PCNT: variants seen among roughly 807,000 people sequenced by gnomAD.
The protein encoded by PCNT is pericentrin, also known as kendrin.
PCNT carries 319 observed loss-of-function variants against 380.4 expected under a neutral mutation model. The ratio of observed to expected loss-of-function variants is 0.84; its 90% confidence interval spans 0.77 to 0.92. The LOEUF is 0.92. PCNT is among the 40% of genes least tolerant of loss of function. PCNT has a pLI of 0.00. For missense variants in PCNT, 4,400 were observed against 4,255.3 expected (o/e 1.03, Z -0.95); for synonymous variants, 1,845 against 1,735.2 (o/e 1.06, Z -1.57).
intron 27 of PCNT, among the ~76,000 whole-genome samples, chr21:46,410,639 A>G (rs1424274375): frequency 1.3e-5 from 2 of 152,114 alleles, no homozygotes; most frequent in African/African-American, 4.8e-5. Flanking sequence ...ATGGCTGAGG[A>G]TTATGTTTCA....
rs749423378 is a variant in PCNT, at chr21:46,411,411, G to A, written c.5338G>A (p.Ala1780Thr). ...SLQSELLCSQ[A>T]GGPRGQALQG... The stretch of plus-strand genomic sequence containing the variant: ...GCAGAGCGAGCTGCTCTGCTCCCAG[G>A]CCGGGGGCCCTCGTGGGCAGGCCCT... Residue 1780 changes from alanine (A) to threonine (T), a missense_variant, in exon 28 of 47, where the codon GCC (alanine) becomes ACC (threonine). Ala to Thr is a moderately conservative substitution (Grantham distance 58, BLOSUM62 0). Coordinates refer to ENST00000359568, the MANE Select transcript of PCNT (RefSeq NM_006031.6). The A allele has an allele frequency of 2.5e-6, 4 of 1,613,398 alleles. No individual in the cohort carries two copies. In the East Asian group the frequency reaches 6.7e-5, roughly 27 times the overall value.
At chr21:46,401,464 AAAGATGGTCTGTGCTTT>A (rs2086424930) in intron 25 of PCNT, 70 bp from the exon 26 acceptor site, 5 of 1,079,868 alleles carry the variant, frequency 4.6e-6, no homozygotes, top group African/African-American at 1.6e-5. Context: ...AGGTGCAGCT[AAAGATGGTCTGTGCTTT>A]AACAGGCAGC....
chr21:46,367,245 G>A (rs2084960767), intron 15 of PCNT, 106 bp downstream of exon 15: 5 of 939,948 alleles, frequency 5.3e-6, no homozygotes, highest in African/African-American at 1.6e-5. Flanking sequence ...GTGCCTGTGC[G>A]GGTGTCTGTG....
intron 6 of PCNT, among the ~76,000 whole-genome samples, chr21:46,348,569 T>G (rs1037267048): frequency 6.6e-6 from 1 of 152,170 alleles, no homozygotes; most frequent in East Asian, 1.9e-4. Flanking sequence ...GGGGAGAGAC[T>G]GGGTGTAAGG....
chr21:46,430,499 C>T lies in PCNT; in HGVS notation c.7914-8C>T, dbSNP rs773877998. ...GTGGTCAGATTGTTCTGCGATGTCTCCACGCAGATCCATGCTGAGCAGTAA... is the reference window on the plus strand; with the variant it reads ...GTGGTCAGATTGTTCTGCGATGTCTTCACGCAGATCCATGCTGAGCAGTAA... On this transcript the variant is annotated splice_polypyrimidine_tract_variant and splice_region_variant and intron_variant, in intron 36 of 46. Transcript: ENST00000359568. 26 of 1,550,382 alleles carry T rather than the reference C, an allele frequency of 1.7e-5. 1 individual carries two copies. The South Asian group carries it at 3.0e-4, about 18-fold the overall frequency.
chr21:46,422,168 C>G (rs2087281256), intron 32 of PCNT, 44 bp downstream of exon 32: 6 of 1,607,380 alleles, frequency 3.7e-6, no homozygotes, highest in Non-Finnish European at 5.1e-6. Context: ...CATGTGCAGC[C>G]TCGGGGCATC....
chr21:46,360,057 A>G (rs4819240), intron 13 of PCNT, among the ~76,000 whole-genome samples: 46,728 of 150,950 alleles, frequency 0.31, 8,942 homozygotes, highest in African/African-American at 0.55. Context: ...AGGTTTCGCC[A>G]TGTTGTCCAG....
At chr21:46,397,734 G>A (rs902768059) in intron 22 of PCNT, among the ~76,000 whole-genome samples, 13 of 151,756 alleles carry the variant, frequency 8.6e-5, no homozygotes, top group Non-Finnish European at 1.5e-4. Context: ...TCACAGTCAC[G>A]GAGGCGTCAC....
intron 15 of PCNT, among the ~76,000 whole-genome samples, chr21:46,370,131 C>T (rs974916777): frequency 5.3e-5 from 8 of 151,216 alleles, no homozygotes; most frequent in Non-Finnish European, 5.9e-5. Context: ...CTGGATTGTG[C>T]GTGCAGTGGG....
At chr21:46,436,422 CTG>C (rs1242898317) in intron 39 of PCNT, among the ~76,000 whole-genome samples, 3 of 139,598 alleles carry the variant, frequency 2.1e-5, no homozygotes, top group South Asian at 2.3e-4. Flanking sequence ...TCTTTACACT[CTG>C]TGTAGTTGCT....
chr21:46,394,511 T>A (rs776812397), intron 21 of PCNT: 12 of 985,218 alleles, frequency 1.2e-5, no homozygotes, highest in Non-Finnish European at 1.4e-5. Flanking sequence ...TAGGCACAGC[T>A]GTCACTGCAG....
rs565084701 is a variant in PCNT, at chr21:46,338,710, A to G, written c.639+3942A>G. Among the ~76,000 whole-genome samples the G allele has an allele frequency of 2.7e-5, 4 of 147,940 alleles. No homozygotes were observed. The South Asian group carries it at 8.6e-4, about 32-fold the overall frequency. Reference sequence around the variant, plus strand: ...AACCTCTGCCTCCTGGGCTCAAGCGATTCTCCTGCTTCAGCCTCCCGAGTA... The same window carrying G: ...AACCTCTGCCTCCTGGGCTCAAGCGGTTCTCCTGCTTCAGCCTCCCGAGTA... On this transcript the variant is annotated intron_variant, in intron 3 of 46. Coordinates refer to ENST00000359568, the MANE Select transcript of PCNT (RefSeq NM_006031.6).
intron 15 of PCNT, among the ~76,000 whole-genome samples, chr21:46,373,729 C>CTT (rs57604484): frequency 0.017 from 1,069 of 63,140 alleles, 10 homozygotes; most frequent in Middle Eastern, 0.028. Flanking sequence ...CCAGCCTTAG[C>CTT]TTTTTTTTTT....
chr21:46,399,722 A>T lies in PCNT; in HGVS notation c.4717A>T (p.Asn1573Tyr). The change falls in exon 25 of 47, where the codon AAC becomes TAC. Residue 1573 changes from asparagine (N) to tyrosine (Y), a missense_variant. Physicochemically the swap from Asn to Tyr is moderately radical, Grantham distance 143. Transcript: ENST00000359568. ...EIKRLEEMNI[N>Y]IRKKVAQLQE... The stretch of plus-strand genomic sequence containing the variant: ...TAAACGTCTGGAGGAGATGAACATC[A>T]ACATCAGGAAAAAAGTGGCCCAGCT... 1.9e-6 allele frequency: 3 copies of T among 1,614,176 alleles called. No individual in the cohort carries two copies. Among genetic ancestry groups the T allele is most frequent in the Non-Finnish European group, 2.5e-6 (3 of 1,180,006 alleles).
At position 46,412,859 on chromosome 21, in the gene PCNT, T is replaced by C. The variant is rs2086835355; in HGVS notation, c.6017T>C (p.Val2006Ala). Residue 2006 changes from valine to alanine, a missense_variant, in exon 29 of 47, where the codon GTG (valine) becomes GCG (alanine). Physicochemically the swap from Val to Ala is moderately conservative, Grantham distance 64. Transcript: ENST00000359568. Reference sequence around the variant, plus strand: ...AAGGGTGATCTGCAGCCTGTCCTGGTGACGTTGAAGGATGCACCTCTCTGC... The same window carrying C: ...AAGGGTGATCTGCAGCCTGTCCTGGCGACGTTGAAGGATGCACCTCTCTGC... ...DPQGDLQPVL[V>A]TLKDAPLCKQ... 1 of 1,612,512 alleles carries C rather than the reference T, an allele frequency of 6.2e-7. No homozygotes were observed. The highest frequency in any genetic ancestry group is 8.5e-7 in the Non-Finnish European group (1 of 1,180,032).
chr21:46,398,226 A>G lies in PCNT; in HGVS notation c.4564-9A>G, dbSNP rs1439865914. ...AAATTTTTGCCTTCCATGTACATGA[A>G]ATCGGCAGCAGGCGCCGCTGGATGG... On this transcript the variant is annotated splice_polypyrimidine_tract_variant and intron_variant, in intron 23 of 46. Transcript: ENST00000359568. 2 of 1,608,332 alleles carry G rather than the reference A, an allele frequency of 1.2e-6. No individual in the cohort carries two copies. Among genetic ancestry groups the G allele is most frequent in the African/African-American group, 2.7e-5 (2 of 74,844 alleles).
chr21:46,349,372 C>T (rs1269430020), intron 7 of PCNT, among the ~76,000 whole-genome samples, 186 bp downstream of exon 7: 1 of 152,206 alleles, frequency 6.6e-6, no homozygotes, highest in African/African-American at 2.4e-5. Flanking sequence ...GGTCCTTAAA[C>T]CTTCCTGATC....
chr21:46,433,082 A>G (rs2087835840), intron 38 of PCNT, among the ~76,000 whole-genome samples: 1 of 152,226 alleles, frequency 6.6e-6, no homozygotes, highest in Non-Finnish European at 1.5e-5. Context: ...ACAATGTTGA[A>G]TAGAAGGGAT....
intron 38 of PCNT, among the ~76,000 whole-genome samples, chr21:46,433,275 C>T (rs917358130): frequency 1.8e-4 from 27 of 152,264 alleles, no homozygotes; most frequent in African/African-American, 6.5e-4. Context: ...CCCAGCTATT[C>T]GGGAGGCTGG....
Sources: allele counts gnomAD v4.1 joint callset (sites outside exome capture counted in the v4.1 genomes callset), GRCh38; gene constraint gnomAD v4.1.1; transcripts MANE v1.5; gene names NCBI Gene and HGNC (gene_info 2026-07-23, HGNC 2026-07-21).